The following DFFB variants were observed in gnomAD, a reference collection of about 807,000 sequenced individuals.
DFFB encodes the protein DNA fragmentation factor subunit beta, also known as DNA fragmentation factor 40 kDa subunit.
Under a neutral mutation model 32.7 loss-of-function variants are expected in DFFB, and 29 were observed. The observed-to-expected ratio is 0.89, with a 90% CI of 0.66 to 1.21. The LOEUF (loss-of-function observed/expected upper bound fraction) is 1.21. Among genes scored for constraint, DFFB ranks in the 50% most tolerant of loss-of-function variants. DFFB has a pLI of 0.00. For missense variants in DFFB, 398 were observed against 440.6 expected, an observed-to-expected ratio of 0.90 and a Z score of 0.87; for synonymous variants, 170 against 177.1, an observed-to-expected ratio of 0.96 and a Z score of 0.32.
At position 3,883,509 on chromosome 1, in the gene DFFB, T is replaced by C. The variant is rs1018059060; in HGVS notation, c.785T>C (p.Ile262Thr). The stretch of plus-strand genomic sequence containing the variant: ...ATGTCTCTAACCTTACTTTGCAGAA[T>C]AGAAAAGAAACGCACCATCATTCCT... The part of the protein sequence containing the change: ...LFSTWNLDHI[I>T]EKKRTIIPTL... Residue 262 changes from isoleucine (I) to threonine (T), a missense_variant and splice_region_variant, in exon 7 of 7, where the codon ATA becomes ACA. Ile to Thr is a moderately conservative substitution (Grantham distance 89). Transcript: ENST00000378209. 6.2e-7 allele frequency: 1 copy of C among 1,613,804 alleles called. No individual in the cohort carries two copies. Among genetic ancestry groups the C allele is most frequent in the Non-Finnish European group, 8.5e-7 (1 of 1,179,930 alleles).
Position 3,870,194 on chromosome 1 carries a change from G to A in DFFB, c.681+419G>A, listed in dbSNP as rs558826182. On this transcript the variant is annotated intron_variant, in intron 5 of 6. Coordinates refer to ENST00000378209, the MANE Select transcript of DFFB (RefSeq NM_004402.4). ...TCCCTGCTGCACCGTGCTAGGCGTG[G>A]TCTGGCCTTTAGTGGTGATGCATCT... Among the ~76,000 whole-genome samples, 6 of 152,342 alleles carry A rather than the reference G, an allele frequency of 3.9e-5. No homozygotes were observed. In the South Asian group the frequency reaches 1.2e-3, roughly 32 times the overall value.
intron 3 of DFFB, among the ~76,000 whole-genome samples, chr1:3,867,138 C>A (rs370991650): frequency 6.6e-6 from 1 of 152,138 alleles, no homozygotes. Context: ...CCTCGTGATC[C>A]GCCCGCCTCG....
At chr1:3,860,492 G>C (rs1379346438) in intron 2 of DFFB, 1 of 439,852 alleles carries the variant, frequency 2.3e-6, no homozygotes, top group South Asian at 1.6e-5. Context: ...GTCTCCTAAA[G>C]TGCTGGGATT....
rs1009457130 is a variant in DFFB, at chr1:3,872,988, T to A, written c.782+416T>A. ...CCTGGTGTTATGATAGGTAAGGGTG[T>A]TTTTCCCTTTTTCTTTTTCTTTTAG... On this transcript the variant is annotated intron_variant, in intron 6 of 6. Coordinates refer to ENST00000378209, the MANE Select transcript of DFFB (RefSeq NM_004402.4). 50 of 1,269,704 alleles carry A rather than the reference T, an allele frequency of 3.9e-5. No individual in the cohort carries two copies. The Admixed American group carries it at 1.2e-3, about 31-fold the overall frequency. 78.7% of individuals were successfully genotyped at this position (1,269,704 alleles called of 1,614,324 possible).
At chr1:3,878,154 C>CT (rs60515976) in intron 6 of DFFB, among the ~76,000 whole-genome samples, 14,798 of 141,720 alleles carry the variant, frequency 0.1, 967 homozygotes, top group Middle Eastern at 0.15. Flanking sequence ...CAGTGAATAT[C>CT]TTTTTTTTTT....
intron 5 of DFFB, among the ~76,000 whole-genome samples, chr1:3,871,888 A>C (rs1645119958): frequency 6.6e-6 from 1 of 152,134 alleles, no homozygotes; most frequent in Non-Finnish European, 1.5e-5. Context: ...GGGGAGCAGG[A>C]ACGAGAGAGA....
At chr1:3,879,283 T>G (rs1400426830) in intron 6 of DFFB, among the ~76,000 whole-genome samples, 1 of 152,206 alleles carries the variant, frequency 6.6e-6, no homozygotes, top group Admixed American at 6.6e-5. Context: ...TGTGCGGTTT[T>G]CCGGGAGCGC....
At chr1:3,877,404 C>T (rs1020396979) in intron 6 of DFFB, among the ~76,000 whole-genome samples, 13 of 146,508 alleles carry the variant, frequency 8.9e-5, no homozygotes, top group African/African-American at 3.3e-4. Context: ...TCTCGACTCA[C>T]TGCAACCTCT....
chr1:3,875,533 G>A (rs1255586291), intron 6 of DFFB, among the ~76,000 whole-genome samples: 2 of 152,202 alleles, frequency 1.3e-5, no homozygotes, highest in Non-Finnish European at 2.9e-5. Context: ...GGTTCTTGCT[G>A]ACACTTGGTG....
intron 2 of DFFB, among the ~76,000 whole-genome samples, chr1:3,864,741 A>T (rs1290615999): frequency 1.3e-5 from 2 of 150,660 alleles, no homozygotes; most frequent in African/African-American, 4.9e-5. Flanking sequence ...TTTTTTAGAG[A>T]TGGGGTCTTG....
At chr1:3,860,724 C>T (rs1325666335) in intron 2 of DFFB, among the ~76,000 whole-genome samples, 11 of 152,182 alleles carry the variant, frequency 7.2e-5, no homozygotes, top group Non-Finnish European at 1.3e-4. Flanking sequence ...TGACCAGCAT[C>T]AGGGTCAAGG....
intron 6 of DFFB, among the ~76,000 whole-genome samples, chr1:3,879,212 T>A (rs531462194): frequency 7.2e-5 from 11 of 152,272 alleles, no homozygotes; most frequent in Admixed American, 3.3e-4. Context: ...AGGACACACT[T>A]TTCTTTGGTT....
intron 6 of DFFB, among the ~76,000 whole-genome samples, chr1:3,877,328 GT>G (rs5772128): frequency 2.8e-4 from 32 of 113,884 alleles, no homozygotes; most frequent in Admixed American, 6.0e-4. Context: ...TGGGAGTTCA[GT>G]TTTTTTTTTT....
At chr1:3,876,938 C>T (rs1476509432) in intron 6 of DFFB, among the ~76,000 whole-genome samples, 4 of 152,224 alleles carry the variant, frequency 2.6e-5, no homozygotes, top group African/African-American at 7.2e-5. Context: ...GAAGGTGGCA[C>T]GAGGAGCGTC....
rs1553168580 is a variant in DFFB, at chr1:3,865,569, T to TTTCATCTGTCCTCTC, written c.242-229_242-228insCTTCATCTGTCCTCT. The TTTCATCTGTCCTCTC allele has an allele frequency of 1.6e-5, 10 of 629,288 alleles. No individual in the cohort carries two copies. Among genetic ancestry groups the TTTCATCTGTCCTCTC allele is most frequent in the Non-Finnish European group, 2.6e-5 (9 of 349,320 alleles). 39.0% of individuals were successfully genotyped at this position (629,288 alleles called of 1,614,324 possible). ...GGAAAGCGGCCGTCTCTTGGTGCGC[T>TTTCATCTGTCCTCTC]TTCATCTGTCCTCTAAAGCACACCC... On this transcript the variant is annotated intron_variant, in intron 2 of 6. Transcript: ENST00000378209. This position sits in a 1 kb window ranked among gnomAD's most constrained non-coding sequence, Gnocchi z 4.7.
At chr1:3,866,453 G>T in intron 3 of DFFB, 1 of 211,988 alleles carries the variant, frequency 4.7e-6, no homozygotes, top group Non-Finnish European at 9.8e-6. Flanking sequence ...ATGAGGTTTC[G>T]CCATGTTGGC....
In DFFB at chr1:3,882,493, C is replaced by T. The variant is rs563633773; in HGVS notation, c.783-1014C>T. On this transcript the variant is annotated intron_variant, in intron 6 of 6. Coordinates refer to ENST00000378209, the MANE Select transcript of DFFB (RefSeq NM_004402.4). Reference sequence around the variant, plus strand: ...AGTTATCCTGCTTCAGCCTCCTGGGCAGCTGGGATTACAGGCATGCATCAC... The same window carrying T: ...AGTTATCCTGCTTCAGCCTCCTGGGTAGCTGGGATTACAGGCATGCATCAC... 1.2e-3 allele frequency among the ~76,000 whole-genome samples: 184 copies of T among 151,606 alleles called. 1 individual carries two copies. The highest frequency in any genetic ancestry group is 2.2e-3 in the Non-Finnish European group (149 of 67,844).
At position 3,859,014 on chromosome 1, in the gene DFFB, CAG is replaced by C. The variant is rs371133784; in HGVS notation, c.241+173_241+174del. On this transcript the variant is annotated intron_variant, in intron 2 of 6. Coordinates refer to ENST00000378209, the MANE Select transcript of DFFB (RefSeq NM_004402.4). ...GAACTGGTCAGCGTCGCTTAGGTGGCAGAGTCCTCAGTCCTCTCGTTCATGAA... is the reference window on the plus strand; with the variant it reads ...GAACTGGTCAGCGTCGCTTAGGTGGCAGTCCTCAGTCCTCTCGTTCATGAA... The C allele has an allele frequency of 2.9e-5, 25 of 860,040 alleles. No homozygotes were observed. In the East Asian group the frequency reaches 5.5e-4, roughly 19 times the overall value. 53.3% of individuals were successfully genotyped at this position (860,040 alleles called of 1,614,324 possible).
At chr1:3,867,722 G>A (rs1307562477) in intron 3 of DFFB, 2 of 448,862 alleles carry the variant, frequency 4.5e-6, no homozygotes, top group South Asian at 2.6e-5. Flanking sequence ...GTGTGGTAGT[G>A]CGTCCCTGTA....
Sources: allele counts gnomAD v4.1 joint callset (sites outside exome capture counted in the v4.1 genomes callset), GRCh38; gene constraint gnomAD v4.1.1; non-coding constraint Gnocchi (gnomAD v3.1); transcripts MANE v1.5; gene names NCBI Gene and HGNC (gene_info 2026-07-23, HGNC 2026-07-21).